FRMD4A: variants seen among roughly 807,000 people sequenced by gnomAD.
FRMD4A encodes the protein FERM domain-containing protein 4A.
A neutral mutation model predicts 129.1 loss-of-function variants in FRMD4A; 29 were observed. The ratio of observed to expected loss-of-function variants is 0.22; its 90% CI spans 0.17 to 0.31. The LOEUF is 0.31. Ranked by LOEUF, FRMD4A falls within the 10% of genes least tolerant of loss-of-function variation. FRMD4A has a pLI of 1.00. For missense variants in FRMD4A, 1,272 were observed against 1,375.8 expected (o/e 0.92, Z 1.19); for synonymous variants, 634 against 571.6 (o/e 1.11, Z -1.56).
chr10:13,953,826 A>T (rs74122407), intron 2 of FRMD4A, among the ~76,000 whole-genome samples: 1 of 152,328 alleles, frequency 6.6e-6, no homozygotes, highest in African/African-American at 2.4e-5. Context: ...TCGAGGTTTC[A>T]GGCACCCACT....
At position 14,080,705 on chromosome 10, in the gene FRMD4A, A is replaced by T. The variant is rs565988854; in HGVS notation, c.46-221793T>A. Among the ~76,000 whole-genome samples the T allele has an allele frequency of 1.4e-4, 22 of 152,028 alleles. No individual in the cohort carries two copies. The South Asian group carries it at 4.6e-3, about 32-fold the overall frequency. The stretch of plus-strand genomic sequence containing the variant: ...AGGAAACTGAAGACTGCGAGGGAGG[A>T]TATTCAGCTTGAATTTAGGGTCAGC... On this transcript the variant is annotated intron_variant, in intron 2 of 24. Coordinates refer to ENST00000357447, the MANE Select transcript of FRMD4A (RefSeq NM_018027.5).
intron 3 of FRMD4A, among the ~76,000 whole-genome samples, chr10:13,842,126 T>G (rs886950827): frequency 6.6e-6 from 1 of 152,178 alleles, no homozygotes; most frequent in African/African-American, 2.4e-5. Flanking sequence ...TCCAAACACT[T>G]GAAGGCAGAG....
chr10:14,249,218 G>C (rs768350419), intron 2 of FRMD4A, among the ~76,000 whole-genome samples: 3 of 152,042 alleles, frequency 2.0e-5, no homozygotes, highest in Non-Finnish European at 2.9e-5. Context: ...CAGGTGTGGT[G>C]GTGGGCACCT....
intron 2 of FRMD4A, among the ~76,000 whole-genome samples, chr10:13,884,155 C>CACACAT (rs1310405359): frequency 0.019 from 354 of 18,764 alleles, 4 homozygotes; most frequent in African/African-American, 0.06. Context: ...CTCACACACT[C>CACACAT]TCACACACAC....
chr10:13,767,801 C>T (rs1032897526), intron 6 of FRMD4A, among the ~76,000 whole-genome samples: 5 of 152,158 alleles, frequency 3.3e-5, no homozygotes, highest in African/African-American at 1.2e-4. Context: ...GTGAAGCCCC[C>T]CGTGCTCTTG....
At chr10:13,719,239 G>C (rs1024092340) in intron 12 of FRMD4A, among the ~76,000 whole-genome samples, 3 of 152,198 alleles carry the variant, frequency 2.0e-5, no homozygotes, top group Non-Finnish European at 4.4e-5. Flanking sequence ...AGCTCAAGGA[G>C]GGACAATGGT....
chr10:14,116,316 C>T (rs990210734), intron 2 of FRMD4A, among the ~76,000 whole-genome samples: 7 of 152,320 alleles, frequency 4.6e-5, no homozygotes, highest in Non-Finnish European at 7.3e-5. Flanking sequence ...TTGTTCACCT[C>T]GGATTCAAGC....
intron 2 of FRMD4A, among the ~76,000 whole-genome samples, chr10:14,009,203 C>T (rs1484267631): frequency 6.6e-6 from 1 of 152,198 alleles, no homozygotes; most frequent in African/African-American, 2.4e-5. Flanking sequence ...AATATTTTCC[C>T]CTACCTTCCC....
At chr10:14,013,012 G>A (rs1466629956) in intron 2 of FRMD4A, among the ~76,000 whole-genome samples, 1 of 152,140 alleles carries the variant, frequency 6.6e-6, no homozygotes, top group Non-Finnish European at 1.5e-5. Flanking sequence ...ATGCTGTCGT[G>A]ACACTCCCAG....
Position 14,290,463 on chromosome 10 carries a change from G to A in FRMD4A, c.45+39595C>T, listed in dbSNP as rs541769378. Among the ~76,000 whole-genome samples, 52 of 152,132 alleles carry A rather than the reference G, an allele frequency of 3.4e-4. 1 individual carries two copies. In the South Asian group the frequency reaches 0.01, roughly 30 times the overall value. ...CAACTGATTTTGACAATGATGCCAAGAATACATACTGGGGAAGGGACAATC... is the reference window on the plus strand; with the variant it reads ...CAACTGATTTTGACAATGATGCCAAAAATACATACTGGGGAAGGGACAATC... On this transcript the variant is annotated intron_variant, in intron 2 of 24. Coordinates refer to ENST00000357447, the MANE Select transcript of FRMD4A (RefSeq NM_018027.5).
intron 2 of FRMD4A, among the ~76,000 whole-genome samples, chr10:14,155,060 AG>A (rs1227366287): frequency 2.6e-5 from 4 of 152,246 alleles, no homozygotes; most frequent in Non-Finnish European, 5.9e-5. Context: ...GGGAGGCCAA[AG>A]CAAGAGGACT....
chr10:14,170,546 G>T (rs901203934), intron 2 of FRMD4A, among the ~76,000 whole-genome samples: 1 of 152,154 alleles, frequency 6.6e-6, no homozygotes, highest in African/African-American at 2.4e-5. Context: ...AGACACCAAC[G>T]CTGGGAAGTT....
At chr10:14,027,151 A>G (rs1260828688) in intron 2 of FRMD4A, among the ~76,000 whole-genome samples, 2 of 152,196 alleles carry the variant, frequency 1.3e-5, no homozygotes. Flanking sequence ...AAATGTTTTT[A>G]ATAGCTGGAA....
intron 16 of FRMD4A, among the ~76,000 whole-genome samples, chr10:13,673,852 T>G (rs1412657399): frequency 6.9e-6 from 1 of 144,388 alleles, no homozygotes; most frequent in Non-Finnish European, 1.5e-5. Flanking sequence ...CACTGCTCAC[T>G]GCAGTCTCAA....
intron 2 of FRMD4A, among the ~76,000 whole-genome samples, chr10:14,065,511 C>A (rs754852470): frequency 5.9e-5 from 9 of 152,094 alleles, no homozygotes; most frequent in Non-Finnish European, 1.3e-4. Flanking sequence ...CTTTCCAGTT[C>A]TCCTTTGAGG....
intron 2 of FRMD4A, among the ~76,000 whole-genome samples, chr10:14,118,707 C>CT (rs1838331635): frequency 6.6e-6 from 1 of 152,140 alleles, no homozygotes; most frequent in Admixed American, 6.6e-5. Flanking sequence ...CAGGGGAACT[C>CT]CCATTTATAA....
In FRMD4A at chr10:13,910,040, A is replaced by G. The variant is rs151087259; in HGVS notation, c.46-51128T>C. Among the ~76,000 whole-genome samples the G allele has an allele frequency of 1.6e-3, 239 of 152,360 alleles. 1 individual carries two copies. Among genetic ancestry groups the G allele is most frequent in the African/African-American group, 5.4e-3 (225 of 41,584 alleles). ...CATGAAATATGTTGTGAAACATTGTAAAAAATGGCCACTATCTCTCACTCC... is the reference window on the plus strand; with the variant it reads ...CATGAAATATGTTGTGAAACATTGTGAAAAATGGCCACTATCTCTCACTCC... On this transcript the variant is annotated intron_variant, in intron 2 of 24. Transcript: ENST00000357447.
chr10:14,142,159 T>TG (rs113582114), intron 2 of FRMD4A, among the ~76,000 whole-genome samples: 23 of 152,176 alleles, frequency 1.5e-4, no homozygotes, highest in African/African-American at 5.3e-4. Context: ...AAGTTTTTTT[T>TG]TTGTTGTTTT....
chr10:13,882,485 G>A (rs548931413), intron 2 of FRMD4A, among the ~76,000 whole-genome samples: 7 of 152,296 alleles, frequency 4.6e-5, no homozygotes, highest in Non-Finnish European at 1.0e-4. Context: ...AATCACAAAG[G>A]GAAACAGCAA....
Sources: allele counts gnomAD v4.1 joint callset (sites outside exome capture counted in the v4.1 genomes callset), GRCh38; gene constraint gnomAD v4.1.1; transcripts MANE v1.5; gene names NCBI Gene and HGNC (gene_info 2026-07-23, HGNC 2026-07-21).